GALNT17: variants seen among roughly 807,000 people sequenced by gnomAD.
The protein encoded by GALNT17 is UDP-GalNAc:polypeptide N-acetylgalactosaminyltransferase-like 3.
A neutral mutation model predicts 63.7 loss-of-function variants in GALNT17; 29 were observed. The observed-to-expected ratio is 0.46, with a 90% CI of 0.34 to 0.62. The LOEUF is 0.62. GALNT17 is among the 20% of genes least tolerant of loss of function. GALNT17 has a pLI of 0.01. For synonymous variants in GALNT17, 305 were observed against 318.3 expected, an observed-to-expected ratio of 0.96 and a Z score of 0.45; for missense variants, 603 against 799.6, an observed-to-expected ratio of 0.75 and a Z score of 2.97.
chr7:71,148,228 T>G (rs567831434), intron 1 of GALNT17, among the ~76,000 whole-genome samples: 1 of 152,336 alleles, frequency 6.6e-6, no homozygotes, highest in African/African-American at 2.4e-5. Context: ...CTAGCACTGT[T>G]TTGGCATCAT....
intron 5 of GALNT17, among the ~76,000 whole-genome samples, chr7:71,472,658 C>A (rs539329610): frequency 2.6e-4 from 39 of 152,316 alleles, no homozygotes; most frequent in African/African-American, 8.4e-4. Context: ...TGCCCTCCAG[C>A]CTGGGGACAG....
At chr7:71,359,123 C>G (rs1792349183) in intron 2 of GALNT17, among the ~76,000 whole-genome samples, 1 of 152,186 alleles carries the variant, frequency 6.6e-6, no homozygotes, top group Non-Finnish European at 1.5e-5. Context: ...TTGTTAGTGT[C>G]ACAAGTACAG....
chr7:71,431,276 T>C (rs1489495468), intron 5 of GALNT17, among the ~76,000 whole-genome samples: 1 of 147,862 alleles, frequency 6.8e-6, no homozygotes, highest in Non-Finnish European at 1.5e-5. Flanking sequence ...AGTGGTGTGA[T>C]CTCAACTCAC....
At chr7:71,656,115 T>G (rs1790824710) in intron 6 of GALNT17, among the ~76,000 whole-genome samples, 2 of 152,170 alleles carry the variant, frequency 1.3e-5, no homozygotes, top group African/African-American at 4.8e-5. Flanking sequence ...TACTTACTTA[T>G]GTTCCAGGCA....
chr7:71,606,004 A>G (rs1790041584), intron 6 of GALNT17, among the ~76,000 whole-genome samples: 1 of 151,944 alleles, frequency 6.6e-6, no homozygotes, highest in Admixed American at 6.6e-5. Context: ...CAGTGCTGTG[A>G]TCTCAGTTCA....
intron 2 of GALNT17, among the ~76,000 whole-genome samples, chr7:71,342,235 A>G (rs961433377): frequency 1.1e-4 from 17 of 152,212 alleles, no homozygotes; most frequent in African/African-American, 3.6e-4. Context: ...GCTTACAGTC[A>G]TGGCTGAAAG....
rs1384811885 is a variant in GALNT17, at chr7:71,420,999, C to G, written c.856C>G (p.Gln286Glu). The change falls in exon 5 of 11, where the codon CAG becomes GAG. Residue 286 changes from glutamine (Q) to glutamate (E), a missense_variant. By Grantham distance (29) the Gln-to-Glu change is conservative (BLOSUM62 2). Coordinates refer to ENST00000333538, the MANE Select transcript of GALNT17 (RefSeq NM_022479.3). ...DNIKQDNFEV[Q>E]RYENSAHGYS... ...CATCAAACAGGACAACTTTGAGGTG[C>G]AGCGGTACGAGAACTCGGCCCACGG... 16 of 1,614,168 alleles carry G rather than the reference C, an allele frequency of 9.9e-6. No individual in the cohort carries two copies. The highest frequency in any genetic ancestry group is 1.4e-5 in the Non-Finnish European group (16 of 1,180,014).
At chr7:71,337,840 C>G (rs1186599442) in intron 2 of GALNT17, among the ~76,000 whole-genome samples, 1 of 151,936 alleles carries the variant, frequency 6.6e-6, no homozygotes, top group Non-Finnish European at 1.5e-5. Context: ...TGCACTCCAG[C>G]CTGGGTGACA....
At chr7:71,164,057 G>A (rs1562877313) in intron 1 of GALNT17, among the ~76,000 whole-genome samples, 1 of 152,176 alleles carries the variant, frequency 6.6e-6, no homozygotes, top group Non-Finnish European at 1.5e-5. Flanking sequence ...AGCTAAACGG[G>A]TCCCAGGTCA....
At chr7:71,242,266 C>CTTTTT (rs1790010779) in intron 1 of GALNT17, among the ~76,000 whole-genome samples, 1 of 116,428 alleles carries the variant, frequency 8.6e-6, no homozygotes, top group Admixed American at 9.0e-5. Flanking sequence ...TTTTCTTTTT[C>CTTTTT]TTTTTCTTTT....
chr7:71,338,364 T>C (rs1791950221), intron 2 of GALNT17, among the ~76,000 whole-genome samples: 1 of 149,666 alleles, frequency 6.7e-6, no homozygotes, highest in Admixed American at 6.7e-5. Flanking sequence ...AATAAATATA[T>C]ATATATATAA....
At chr7:71,633,949 C>T (rs1304946125) in intron 6 of GALNT17, among the ~76,000 whole-genome samples, 1 of 152,236 alleles carries the variant, frequency 6.6e-6, no homozygotes, top group Non-Finnish European at 1.5e-5. Context: ...GTGGAGGGCC[C>T]AAGGGCCCAG....
chr7:71,573,681 G>T (rs561355603), intron 6 of GALNT17, among the ~76,000 whole-genome samples: 1 of 152,044 alleles, frequency 6.6e-6, no homozygotes, highest in Admixed American at 6.6e-5. Context: ...TAGGTTCAGG[G>T]GTTCATGTGC....
intron 1 of GALNT17, among the ~76,000 whole-genome samples, chr7:71,257,893 T>A (rs1346196433): frequency 6.6e-6 from 1 of 152,254 alleles, no homozygotes; most frequent in Non-Finnish European, 1.5e-5. Context: ...CACAGCCTCC[T>A]GGGCATTGAC....
chr7:71,231,184 A>G (rs1012338590), intron 1 of GALNT17, among the ~76,000 whole-genome samples: 34 of 151,592 alleles, frequency 2.2e-4, no homozygotes, highest in African/African-American at 8.2e-4. Context: ...TCATGAGGGA[A>G]TTTCATCTGT....
At chr7:71,426,243 G>A (rs1410598222) in intron 5 of GALNT17, among the ~76,000 whole-genome samples, 1 of 152,174 alleles carries the variant, frequency 6.6e-6, no homozygotes, top group Non-Finnish European at 1.5e-5. Context: ...GGAGCAACAT[G>A]GCCAGACTTC....
chr7:71,431,288 G>A (rs2116487675), intron 5 of GALNT17, among the ~76,000 whole-genome samples: 1 of 137,032 alleles, frequency 7.3e-6, no homozygotes, highest in African/African-American at 2.8e-5. Flanking sequence ...TCAACTCACT[G>A]CAACCTCCAC....
At chr7:71,353,680 T>A (rs1792227922) in intron 2 of GALNT17, among the ~76,000 whole-genome samples, 1 of 152,032 alleles carries the variant, frequency 6.6e-6, no homozygotes, top group Non-Finnish European at 1.5e-5. Flanking sequence ...AGGACACACA[T>A]GAGGGAAAGG....
intron 6 of GALNT17, among the ~76,000 whole-genome samples, chr7:71,609,734 G>A (rs574941284): frequency 6.9e-4 from 105 of 152,010 alleles, no homozygotes; most frequent in African/African-American, 2.5e-3. Flanking sequence ...TATGTATATA[G>A]TGTGACTATA....
Sources: allele counts gnomAD v4.1 joint callset (sites outside exome capture counted in the v4.1 genomes callset), GRCh38; gene constraint gnomAD v4.1.1; transcripts MANE v1.5; gene names NCBI Gene and HGNC (gene_info 2026-07-23, HGNC 2026-07-21).